The following NPAS3 variants were observed in gnomAD, a reference collection of about 807,000 sequenced individuals.
NPAS3 encodes the protein neuronal PAS domain-containing protein 3.
A neutral mutation model predicts 73.1 loss-of-function variants in NPAS3; 14 were observed. That is an observed-to-expected ratio of 0.19 (90% CI 0.13 to 0.30). The LOEUF is 0.30. NPAS3 is among the 10% of genes least tolerant of loss of function. NPAS3 has a pLI of 1.00. For synonymous variants in NPAS3, 620 were observed against 541.5 expected, an observed-to-expected ratio of 1.14 and a Z score of -2.01; for missense variants, 1,096 against 1,250.0, an observed-to-expected ratio of 0.88 and a Z score of 1.86.
chr14:33,434,935 G>T (rs145815754), intron 4 of NPAS3, among the ~76,000 whole-genome samples: 8 of 152,250 alleles, frequency 5.3e-5, no homozygotes, highest in African/African-American at 1.7e-4. Flanking sequence ...TAATTTTGAG[G>T]GGGGTGTGGT....
At position 33,119,241 on chromosome 14, in the gene NPAS3, G is replaced by A. The variant is rs59023893; in HGVS notation, c.140+63247G>A. On this transcript the variant is annotated intron_variant, in intron 2 of 11. Transcript: ENST00000356141. ...GACAAAATTTTGCAAGCTTAAATGA[G>A]TAGCTTTTTAGTACTCTCTATTTTT... Among the ~76,000 whole-genome samples, 909 of 152,106 alleles carry A rather than the reference G, an allele frequency of 6.0e-3. 10 individuals are homozygous for A. Among genetic ancestry groups the A allele is most frequent in the African/African-American group, 0.021 (858 of 41,518 alleles).
At chr14:33,399,530 C>A (rs182754107) in intron 4 of NPAS3, among the ~76,000 whole-genome samples, 1 of 152,176 alleles carries the variant, frequency 6.6e-6, no homozygotes, top group East Asian at 1.9e-4. Context: ...TCTATAGATG[C>A]CTCTTTCCTG....
intron 6 of NPAS3, among the ~76,000 whole-genome samples, chr14:33,711,351 C>T (rs375909171): frequency 6.6e-6 from 1 of 152,078 alleles, no homozygotes; most frequent in Non-Finnish European, 1.5e-5. Flanking sequence ...ATTTCTGATA[C>T]GCACGTCCCA....
intron 6 of NPAS3, among the ~76,000 whole-genome samples, chr14:33,703,279 G>A (rs1166115146): frequency 2.0e-5 from 3 of 152,062 alleles, no homozygotes; most frequent in Non-Finnish European, 2.9e-5. Context: ...GAGGCCAGGA[G>A]TTTAAGACTA....
At chr14:33,605,334 T>A (rs1260145956) in intron 5 of NPAS3, among the ~76,000 whole-genome samples, 1 of 150,426 alleles carries the variant, frequency 6.6e-6, no homozygotes, top group Non-Finnish European at 1.5e-5. Flanking sequence ...AATGTGACAT[T>A]GCCTAGAACT....
chr14:33,527,548 C>T (rs905231512), intron 4 of NPAS3, among the ~76,000 whole-genome samples: 1 of 152,110 alleles, frequency 6.6e-6, no homozygotes, highest in Non-Finnish European at 1.5e-5. Context: ...TGCACGTACA[C>T]AAATGCACAC....
chr14:33,456,832 G>A (rs1002200633), intron 4 of NPAS3, among the ~76,000 whole-genome samples: 1 of 152,124 alleles, frequency 6.6e-6, no homozygotes, highest in African/African-American at 2.4e-5. Flanking sequence ...GCAGAAATGG[G>A]GGTAAAGGTT....
intron 1 of NPAS3, among the ~76,000 whole-genome samples, chr14:33,031,005 G>C (rs572745218): frequency 6.6e-6 from 1 of 152,094 alleles, no homozygotes; most frequent in Admixed American, 6.5e-5. Context: ...TTCAATCTCC[G>C]TATGAGGCCA....
chr14:33,251,159 A>T (rs1331666598), intron 3 of NPAS3, among the ~76,000 whole-genome samples: 1 of 152,164 alleles, frequency 6.6e-6, no homozygotes, highest in Non-Finnish European at 1.5e-5. Flanking sequence ...CAGTAAACAC[A>T]AAGAGAAATC....
intron 9 of NPAS3, among the ~76,000 whole-genome samples, chr14:33,787,264 A>C (rs909938361): frequency 6.6e-6 from 1 of 152,192 alleles, no homozygotes; most frequent in Non-Finnish European, 1.5e-5. Flanking sequence ...TCTCCAATTC[A>C]GTACATTATC....
chr14:33,246,978 C>A (rs1052489761), intron 3 of NPAS3, among the ~76,000 whole-genome samples: 2 of 151,104 alleles, frequency 1.3e-5, no homozygotes, highest in East Asian at 1.9e-4. Context: ...CATGTTATTG[C>A]GCTCCCACCT....
chr14:33,769,795 TG>T (rs1217487018), intron 7 of NPAS3, among the ~76,000 whole-genome samples: 1 of 126,462 alleles, frequency 7.9e-6, no homozygotes, highest in Admixed American at 9.0e-5. Context: ...GACAAGATCT[TG>T]CTCTGTCATC....
intron 4 of NPAS3, among the ~76,000 whole-genome samples, chr14:33,512,243 A>C (rs1294850457): frequency 6.6e-6 from 1 of 152,012 alleles, no homozygotes; most frequent in East Asian, 1.9e-4. Flanking sequence ...GTGTTTGTAA[A>C]TACTTCTCCA....
intron 1 of NPAS3, among the ~76,000 whole-genome samples, chr14:32,997,681 T>TTGGGA: frequency 6.6e-6 from 1 of 151,922 alleles, no homozygotes; most frequent in South Asian, 2.1e-4. Context: ...TCCCAGCACT[T>TTGGGA]TGGGAGGCCG....
chr14:33,771,687 T>C (rs2062657501), intron 7 of NPAS3, among the ~76,000 whole-genome samples: 1 of 152,034 alleles, frequency 6.6e-6, no homozygotes, highest in African/African-American at 2.4e-5. Flanking sequence ...TGGCGGGGCC[T>C]GTGGTCCCAG....
chr14:33,252,812 G>A (rs779981937), intron 3 of NPAS3, among the ~76,000 whole-genome samples: 62 of 151,660 alleles, frequency 4.1e-4, no homozygotes, highest in Non-Finnish European at 8.1e-4. Flanking sequence ...TTCTTTTGGA[G>A]TCCCCAGTCT....
chr14:33,543,361 G>A (rs947918914), intron 4 of NPAS3, among the ~76,000 whole-genome samples: 8 of 152,150 alleles, frequency 5.3e-5, no homozygotes, highest in Admixed American at 4.6e-4. Flanking sequence ...TGTTGCTATT[G>A]CTATCTTTAC....
chr14:33,669,406 T>G (rs1230343858), intron 5 of NPAS3, among the ~76,000 whole-genome samples: 1 of 152,208 alleles, frequency 6.6e-6, no homozygotes, highest in Non-Finnish European at 1.5e-5. Flanking sequence ...CCTGGGCTCA[T>G]TCCTGTGATG....
intron 6 of NPAS3, among the ~76,000 whole-genome samples, chr14:33,677,886 A>T (rs893095717): frequency 6.6e-6 from 1 of 152,346 alleles, no homozygotes; most frequent in Non-Finnish European, 1.5e-5. Flanking sequence ...TGTCAGCGAG[A>T]TAACTGGAAC....
Sources: gnomAD v4.1 joint callset for allele counts (sites outside exome capture counted in the v4.1 genomes callset) on GRCh38, gnomAD v4.1.1 for gene constraint, MANE v1.5 for transcripts, NCBI Gene and HGNC (gene_info 2026-07-23, HGNC 2026-07-21) for gene names.